COL4A5: variants seen among roughly 807,000 people sequenced by gnomAD.
COL4A5 encodes collagen alpha-5(IV) chain.
A neutral mutation model predicts 130.2 loss-of-function variants in COL4A5; 26 were observed. The observed-to-expected ratio is 0.20, with a 90% CI of 0.15 to 0.28. The LOEUF is 0.28. COL4A5 is among the 10% of genes least tolerant of loss of function. The pLI is 1.00. For missense variants in COL4A5, 1,131 were observed against 1,344.3 expected, an observed-to-expected ratio of 0.84 and a Z score of 2.48; for synonymous variants, 496 against 439.6, an observed-to-expected ratio of 1.13 and a Z score of -1.60.
At chrX:108,618,256 A>T (rs369661482) in intron 30 of COL4A5, among the ~76,000 whole-genome samples, 1 of 110,991 alleles carries the variant, frequency 9.0e-6, no homozygotes, top group South Asian at 3.8e-4. Flanking sequence ...AATCTATGCT[A>T]TGGGAGGAAG....
intron 1 of COL4A5, among the ~76,000 whole-genome samples, chrX:108,528,473 G>A (rs1366802201): frequency 8.9e-6 from 1 of 112,419 alleles, no homozygotes; most frequent in Non-Finnish European, 1.9e-5. Context: ...AAAAAGCAAG[G>A]AAATATGACA....
chrX:108,499,936 C>T (rs760954158), intron 1 of COL4A5, among the ~76,000 whole-genome samples: 1 of 111,507 alleles, frequency 9.0e-6, no homozygotes, highest in African/African-American at 3.3e-5. Context: ...CATGCCCACA[C>T]ACATAGACCC....
intron 1 of COL4A5, among the ~76,000 whole-genome samples, chrX:108,470,392 T>C (rs1402947370): frequency 8.9e-6 from 1 of 112,499 alleles, no homozygotes; most frequent in Non-Finnish European, 1.9e-5. Context: ...ATTTCTCTAA[T>C]GATTAGTGAT....
intron 1 of COL4A5, among the ~76,000 whole-genome samples, chrX:108,478,597 G>A (rs1040035108): frequency 9.0e-6 from 1 of 111,657 alleles, no homozygotes. Flanking sequence ...CCATTCCACC[G>A]TTCTATCAAT....
chrX:108,564,419 A>G (rs980379510), intron 4 of COL4A5, among the ~76,000 whole-genome samples: 17 of 112,052 alleles, frequency 1.5e-4, no homozygotes, highest in African/African-American at 4.9e-4. Context: ...TTTTTGGAAT[A>G]CTGCATTTCT....
At chrX:108,570,102 G>A (rs1453587317) in intron 6 of COL4A5, among the ~76,000 whole-genome samples, 5 of 111,484 alleles carry the variant, frequency 4.5e-5, no homozygotes, top group Non-Finnish European at 9.4e-5. Flanking sequence ...CTATACTTGA[G>A]GCAGTACAGT....
chrX:108,695,386 T>C lies in COL4A5; in HGVS notation c.4941T>C (p.Tyr1647=), dbSNP rs2068717714. The stretch of plus-strand genomic sequence containing the variant: ...ATGGGAGGGGTACCTGTAACTACTA[T>C]GCCAACTCCTACAGCTTTTGGCTGG... ...ECHGRGTCNY[Y]ANSYSFWLAT... Residue 1647 remains tyrosine, a synonymous_variant, in exon 52 of 53, where the codon TAT becomes TAC. Coordinates refer to ENST00000328300, the MANE Select transcript of COL4A5 (RefSeq NM_033380.3). 2 of 1,209,792 alleles carry C rather than the reference T, an allele frequency of 1.7e-6. No homozygotes were observed. Among genetic ancestry groups the C allele is most frequent in the South Asian group, 1.8e-5 (1 of 56,805 alleles).
chrX:108,575,204 C>G (rs891172679), intron 9 of COL4A5, among the ~76,000 whole-genome samples: 2 of 111,604 alleles, frequency 1.8e-5, no homozygotes, highest in Non-Finnish European at 3.8e-5. Flanking sequence ...ACACTTGTAT[C>G]ATTCTCTTAT....
chrX:108,465,774 G>A (rs960504223), intron 1 of COL4A5, among the ~76,000 whole-genome samples: 1 of 111,451 alleles, frequency 9.0e-6, no homozygotes, highest in African/African-American at 3.3e-5. Context: ...TGTGAGTTAA[G>A]GGTCCTGGTT....
At chrX:108,551,445 C>T (rs2065751012) in intron 2 of COL4A5, among the ~76,000 whole-genome samples, 1 of 111,683 alleles carries the variant, frequency 9.0e-6, no homozygotes, top group South Asian at 3.7e-4. Flanking sequence ...AAATTAAAGT[C>T]ATAATGAGAT....
intron 30 of COL4A5, 100 bp from the exon 31 acceptor site, chrX:108,620,159 G>T (rs762936918): frequency 2.9e-6 from 2 of 698,062 alleles, no homozygotes; most frequent in East Asian, 6.6e-5. Flanking sequence ...TCTTAGGTCT[G>T]TTATCTACAG....
intron 42 of COL4A5, among the ~76,000 whole-genome samples, chrX:108,672,206 A>G (rs998414737): frequency 1.1e-4 from 12 of 112,413 alleles, no homozygotes; most frequent in Non-Finnish European, 2.1e-4. Context: ...TATCACTAAG[A>G]TAAAGCAAAG....
intron 1 of COL4A5, among the ~76,000 whole-genome samples, chrX:108,483,256 G>C (rs941474732): frequency 4.6e-5 from 5 of 109,346 alleles, no homozygotes; most frequent in African/African-American, 1.3e-4. Context: ...TGTATGTAAA[G>C]GGGAGTTTAT....
intron 40 of COL4A5, among the ~76,000 whole-genome samples, chrX:108,668,049 C>T (rs1040079593): frequency 3.6e-5 from 4 of 111,434 alleles, no homozygotes; most frequent in Non-Finnish European, 7.5e-5. Flanking sequence ...GGTGATGTAT[C>T]ATTGCTCTGT....
chrX:108,674,625 A>G, intron 42 of COL4A5, 120 bp from the exon 43 acceptor site: 1 of 710,779 alleles, frequency 1.4e-6, no homozygotes, highest in East Asian at 3.3e-5. Context: ...AAAGAACATT[A>G]TTGTTTTAAC....
At chrX:108,472,438 A>T (rs147876249) in intron 1 of COL4A5, among the ~76,000 whole-genome samples, 58 of 112,111 alleles carry the variant, frequency 5.2e-4, no homozygotes, top group African/African-American at 1.8e-3. Context: ...AGTATCCAAC[A>T]ATCATTATAG....
chrX:108,641,577 T>C lies in COL4A5; in HGVS notation c.3247-13754T>C, dbSNP rs1021185016. Among the ~76,000 whole-genome samples the C allele has an allele frequency of 4.5e-5, 5 of 111,845 alleles. No homozygotes were observed. The Admixed American group carries it at 4.7e-4, about 11-fold the overall frequency. On this transcript the variant is annotated intron_variant, in intron 36 of 52. Transcript: ENST00000328300. ...CCAAATACTGTGAGTGCCCCAAATA[T>C]AGAAGTGGAAAGTGGAGATCCTTCT... is the stretch of plus-strand genomic sequence containing the variant.
In COL4A5 at chrX:108,523,053, T is replaced by C. The variant is rs1287707090; in HGVS notation, c.82-16693T>C. ...TGCCACCATGCCCTAATTTTTGTAT[T>C]TTTAGTAGAGATGGGGTTTCACCAT... On this transcript the variant is annotated intron_variant, in intron 1 of 52. Coordinates refer to ENST00000328300, the MANE Select transcript of COL4A5 (RefSeq NM_033380.3). Among the ~76,000 whole-genome samples, 5 of 108,484 alleles carry C rather than the reference T, an allele frequency of 4.6e-5. No individual in the cohort carries two copies. The Admixed American group carries it at 4.9e-4, about 11-fold the overall frequency. The allele number at this position is 108,484 out of a possible 115,157, so 94.2% of individuals were successfully genotyped here. A position where few individuals can be genotyped will look rare whatever the true frequency, so the allele number is the denominator to read the frequency against.
chrX:108,582,193 A>G (rs959955654), intron 16 of COL4A5, among the ~76,000 whole-genome samples: 4 of 111,747 alleles, frequency 3.6e-5, no homozygotes, highest in Admixed American at 2.9e-4. Flanking sequence ...GTTCAAAAAT[A>G]TTTTATATTA....
Sources: gnomAD v4.1 joint callset for allele counts (sites outside exome capture counted in the v4.1 genomes callset) on GRCh38, gnomAD v4.1.1 for gene constraint, MANE v1.5 for transcripts, NCBI Gene and HGNC (gene_info 2026-07-23, HGNC 2026-07-21) for gene names.